CNTN5: variants seen among roughly 807,000 people sequenced by gnomAD.
CNTN5 encodes contactin-5.
In CNTN5, 77 loss-of-function variants were observed where a neutral mutation model predicts 129.1. The ratio of observed to expected loss-of-function variants is 0.60; its 90% confidence interval spans 0.50 to 0.72. CNTN5 has a LOEUF of 0.72. Among genes scored for constraint, CNTN5 ranks in the 30% least tolerant of loss-of-function variants. CNTN5 has a pLI of 0.00. For missense variants in CNTN5, 1,478 were observed against 1,328.8 expected, an observed-to-expected ratio of 1.11 and a Z score of -1.75; for synonymous variants, 509 against 465.6, an observed-to-expected ratio of 1.09 and a Z score of -1.20.
intron 6 of CNTN5, among the ~76,000 whole-genome samples, chr11:99,853,960 G>T (rs1474134808): frequency 6.6e-6 from 1 of 151,988 alleles, no homozygotes; most frequent in East Asian, 1.9e-4. Flanking sequence ...TTATAATACT[G>T]CCTTGTTCAA....
At chr11:99,651,675 A>G (rs1263407745) in intron 3 of CNTN5, among the ~76,000 whole-genome samples, 2 of 152,076 alleles carry the variant, frequency 1.3e-5, no homozygotes, top group Non-Finnish European at 2.9e-5. Context: ...AGTGTTATAT[A>G]AATTAAAATC....
chr11:99,844,844 C>T lies in CNTN5; in HGVS notation c.278-8C>T. ...GAAATTTAAAATGTGTCTGTTTTGTCTTTACAGAAAGTGTGGACTATGGGC... is the reference window on the plus strand; with the variant it reads ...GAAATTTAAAATGTGTCTGTTTTGTTTTTACAGAAAGTGTGGACTATGGGC... On this transcript the variant is annotated splice_polypyrimidine_tract_variant and splice_region_variant and intron_variant, in intron 4 of 24. Coordinates refer to ENST00000524871, the MANE Select transcript of CNTN5 (RefSeq NM_014361.4). 6.2e-7 allele frequency: 1 copy of T among 1,606,302 alleles called. No individual in the cohort carries two copies. The highest frequency in any genetic ancestry group is 8.5e-7 in the Non-Finnish European group (1 of 1,176,884).
chr11:99,737,767 G>A (rs1943758229), intron 3 of CNTN5, among the ~76,000 whole-genome samples: 1 of 152,006 alleles, frequency 6.6e-6, no homozygotes, highest in Non-Finnish European at 1.5e-5. Flanking sequence ...TATTTCCTGA[G>A]TCCCTAATGT....
chr11:99,981,391 T>C (rs1847704560), intron 8 of CNTN5, among the ~76,000 whole-genome samples: 1 of 152,026 alleles, frequency 6.6e-6, no homozygotes, highest in Non-Finnish European at 1.5e-5. Flanking sequence ...AGGAGAAGTG[T>C]ATCTCATTTC....
rs753520275 is a variant in CNTN5, at chr11:99,916,124, G to A, written c.648G>A (p.Met216Ile). 1.2e-6 allele frequency: 2 copies of A among 1,612,198 alleles called. No individual in the cohort carries two copies. The highest frequency in any genetic ancestry group is 1.7e-6 in the Non-Finnish European group (2 of 1,179,114). ...GGGAAGGCCAGGGTGTCGTTCTGAT[G>A]TGCTCTCCTCCGCCACATTCACCAG... ...SVREGQGVVL[M>I]CSPPPHSPEI... Residue 216 changes from methionine (M) to isoleucine (I), a missense_variant, in exon 7 of 25, where the codon ATG becomes ATA. Met to Ile is a conservative substitution (Grantham distance 10). Coordinates refer to ENST00000524871, the MANE Select transcript of CNTN5 (RefSeq NM_014361.4).
chr11:99,761,611 C>T (rs1422665765), intron 3 of CNTN5, among the ~76,000 whole-genome samples: 1 of 152,024 alleles, frequency 6.6e-6, no homozygotes, highest in African/African-American at 2.4e-5. Flanking sequence ...TTTTTTATGG[C>T]TGCATAGTAT....
chr11:100,280,942 C>T (rs1428698155), intron 18 of CNTN5, among the ~76,000 whole-genome samples: 3 of 152,022 alleles, frequency 2.0e-5, no homozygotes, highest in Admixed American at 2.0e-4. Context: ...GCAAACAAAA[C>T]AAACAAGTAA....
intron 24 of CNTN5, 134 bp downstream of exon 24, chr11:100,351,004 T>A: frequency 1.6e-6 from 1 of 620,766 alleles, no homozygotes; most frequent in Non-Finnish European, 2.7e-6. Flanking sequence ...ATTTTTATAT[T>A]ATCTTCTGAT....
At chr11:100,337,586 T>C (rs1952061805) in intron 21 of CNTN5, 1 of 739,380 alleles carries the variant, frequency 1.4e-6, no homozygotes, top group South Asian at 1.3e-5. Flanking sequence ...TCTATTCTAC[T>C]GTGGAGGATG....
Position 99,738,615 on chromosome 11 carries a change from A to AAGTGTGTGTG in CNTN5, c.56-80929_56-80928insAGTGTGTGTG, listed in dbSNP as rs201365714. Among the ~76,000 whole-genome samples the AAGTGTGTGTG allele has an allele frequency of 8.6e-3, 976 of 113,564 alleles. 16 individuals are homozygous for AAGTGTGTGTG. Among genetic ancestry groups the AAGTGTGTGTG allele is most frequent in the African/African-American group, 0.028 (859 of 31,116 alleles). 74.5% of individuals were successfully genotyped at this position (113,564 alleles called of 152,430 possible). ...AAAATGATACATTCATAAGACAGTA[A>AAGTGTGTGTG]CGTGTGTGTGTGTGTGTGTGTGTGT... On this transcript the variant is annotated intron_variant, in intron 3 of 24. Coordinates refer to ENST00000524871, the MANE Select transcript of CNTN5 (RefSeq NM_014361.4).
intron 13 of CNTN5, among the ~76,000 whole-genome samples, chr11:100,108,899 A>T (rs911590088): frequency 6.6e-6 from 1 of 152,134 alleles, no homozygotes; most frequent in African/African-American, 2.4e-5. Flanking sequence ...GCAGCATATT[A>T]GCTCTGTGTT....
chr11:100,147,638 TTGTGTG>T (rs373305273), intron 13 of CNTN5, among the ~76,000 whole-genome samples: 2 of 151,202 alleles, frequency 1.3e-5, no homozygotes, highest in African/African-American at 2.4e-5. Context: ...ATGCGTGTAT[TTGTGTG>T]TGTGTGTGTG....
At chr11:100,285,507 C>A (rs1950760936) in intron 18 of CNTN5, among the ~76,000 whole-genome samples, 2 of 152,166 alleles carry the variant, frequency 1.3e-5, no homozygotes, top group African/African-American at 4.8e-5. Flanking sequence ...TTCATCTTAT[C>A]TAATTAGTAC....
intron 3 of CNTN5, among the ~76,000 whole-genome samples, chr11:99,615,079 A>G (rs1950718915): frequency 6.8e-6 from 1 of 148,040 alleles, no homozygotes. Flanking sequence ...ATATATAAAA[A>G]TATATATTAT....
intron 7 of CNTN5, among the ~76,000 whole-genome samples, chr11:99,943,245 G>T (rs1268969392): frequency 7.2e-5 from 11 of 152,050 alleles, no homozygotes; most frequent in African/African-American, 2.7e-4. Context: ...GCATGAGATG[G>T]TGTCTCATTG....
At chr11:99,177,905 G>A (rs890204819) in intron 1 of CNTN5, among the ~76,000 whole-genome samples, 1 of 152,064 alleles carries the variant, frequency 6.6e-6, no homozygotes, top group South Asian at 2.1e-4. Context: ...AGAGTTCAGA[G>A]ACTAAGATTA....
chr11:99,939,438 A>G (rs1020379246), intron 7 of CNTN5, among the ~76,000 whole-genome samples: 2 of 152,132 alleles, frequency 1.3e-5, no homozygotes, highest in Non-Finnish European at 2.9e-5. Flanking sequence ...GCATTGATTC[A>G]GAATTCTTCA....
intron 8 of CNTN5, among the ~76,000 whole-genome samples, chr11:99,971,541 C>T (rs1332805992): frequency 2.6e-5 from 4 of 151,242 alleles, no homozygotes; most frequent in Non-Finnish European, 4.4e-5. Flanking sequence ...CACTCCGTCA[C>T]ACACATTAAA....
chr11:99,223,322 C>T (rs2135708095), intron 1 of CNTN5, among the ~76,000 whole-genome samples: 1 of 152,252 alleles, frequency 6.6e-6, no homozygotes, highest in South Asian at 2.1e-4. Flanking sequence ...TTAGGTAAAA[C>T]AGTTCAATAA....
Sources: allele counts gnomAD v4.1 joint callset (sites outside exome capture counted in the v4.1 genomes callset), GRCh38; gene constraint gnomAD v4.1.1; transcripts MANE v1.5; gene names NCBI Gene and HGNC (gene_info 2026-07-23, HGNC 2026-07-21).